Variants in CSNK1G1 observed in about 807,000 individuals in gnomAD.
CSNK1G1 encodes casein kinase 1 gamma 1, also known as casein kinase I isoform gamma-1.
CSNK1G1 carries 22 observed loss-of-function variants against 59.6 expected under a neutral mutation model. That is an observed-to-expected ratio of 0.37 (90% CI 0.26 to 0.53). The LOEUF is 0.53. Among genes scored for constraint, CSNK1G1 ranks in the 20% least tolerant of loss-of-function variants. The pLI, the probability that CSNK1G1 is intolerant of heterozygous loss-of-function variation, is 0.89. For missense variants in CSNK1G1, 384 were observed against 519.5 expected (o/e 0.74, Z 2.54); for synonymous variants, 179 against 177.1 (o/e 1.01, Z -0.08).
chr15:64,233,732 G>A (rs1313752815), intron 4 of CSNK1G1, among the ~76,000 whole-genome samples: 1 of 152,106 alleles, frequency 6.6e-6, no homozygotes, highest in Non-Finnish European at 1.5e-5. Context: ...ATAGCTAAAG[G>A]CTGAGGTCCT....
chr15:64,204,366 G>T, intron 9 of CSNK1G1, 75 bp downstream of exon 9: 1 of 1,206,662 alleles, frequency 8.3e-7, no homozygotes, highest in Non-Finnish European at 1.1e-6. Context: ...AGACTGGCAA[G>T]TAAAGGCATG....
chr15:64,349,777 A>T (rs1467177513), intron 1 of CSNK1G1, among the ~76,000 whole-genome samples: 3 of 152,130 alleles, frequency 2.0e-5, no homozygotes, highest in Non-Finnish European at 4.4e-5. Context: ...GTCAGAATTT[A>T]TTAAGATCCA....
At chr15:64,344,986 C>A (rs147174998) in intron 1 of CSNK1G1, among the ~76,000 whole-genome samples, 1 of 152,182 alleles carries the variant, frequency 6.6e-6, no homozygotes, top group African/African-American at 2.4e-5. Context: ...TGCTTTCACA[C>A]AGACAGTTCC....
chr15:64,289,461 A>G (rs1894615854), intron 2 of CSNK1G1, among the ~76,000 whole-genome samples: 1 of 152,238 alleles, frequency 6.6e-6, no homozygotes, highest in African/African-American at 2.4e-5. Context: ...TGCTTAAGTT[A>G]AACTAGGGTG....
rs560271346 is a variant in CSNK1G1, at chr15:64,237,932, A to G, written c.292+13580T>C. On this transcript the variant is annotated intron_variant, in intron 4 of 11. Transcript: ENST00000303052. ...ACACCACAAAGGTTTCAGTGGGTGA[A>G]ACAGTTTGAATACAGGAGCACTAAG... Among the ~76,000 whole-genome samples, 8 of 152,314 alleles carry G rather than the reference A, an allele frequency of 5.3e-5. No homozygotes were observed. In the South Asian group the frequency reaches 8.3e-4, roughly 16 times the overall value.
At chr15:64,187,305 C>T (rs1185894159) in intron 10 of CSNK1G1, among the ~76,000 whole-genome samples, 2 of 152,070 alleles carry the variant, frequency 1.3e-5, no homozygotes. Context: ...AATCCTCCCA[C>T]CTCAGCCTCC....
In CSNK1G1 at chr15:64,278,662, C is replaced by T. The variant is rs139386553; in HGVS notation, c.182-19421G>A. Among the ~76,000 whole-genome samples the T allele has an allele frequency of 3.0e-3, 460 of 151,888 alleles. 1 individual carries two copies. Among genetic ancestry groups the T allele is most frequent in the African/African-American group, 0.011 (443 of 41,442 alleles). On this transcript the variant is annotated intron_variant, in intron 2 of 11. Transcript: ENST00000303052. ...CAAGCTGGTGTCGAACTCCTGACCT[C>T]GTGATCTGCCCGCCTTGGCCTCCCA...
intron 4 of CSNK1G1, among the ~76,000 whole-genome samples, chr15:64,234,192 A>G (rs1236005240): frequency 6.6e-6 from 1 of 152,168 alleles, no homozygotes; most frequent in Non-Finnish European, 1.5e-5. Flanking sequence ...TGCTGCTCAG[A>G]TATTTTCAAA....
chr15:64,176,212 A>T lies in CSNK1G1; in HGVS notation c.1214+4136T>A, dbSNP rs558238729. On this transcript the variant is annotated intron_variant, in intron 11 of 11. Coordinates refer to ENST00000303052, the MANE Select transcript of CSNK1G1 (RefSeq NM_022048.5). This position sits in a 1 kb window ranked among gnomAD's most constrained non-coding sequence, Gnocchi z 5.2. ...CATTTTGTTTGGCTTTGCCAGTCCC[A>T]GCCTAGTCTGGTCCACTCCCCTTGC... 2.5e-6 allele frequency: 1 copy of T among 398,826 alleles called. No individual in the cohort carries two copies. Among genetic ancestry groups the T allele is most frequent in the African/African-American group, 2.1e-5 (1 of 48,748 alleles). 24.7% of individuals were successfully genotyped at this position (398,826 alleles called of 1,614,324 possible).
chr15:64,222,207 A>G (rs913150628), intron 4 of CSNK1G1, among the ~76,000 whole-genome samples: 2 of 148,430 alleles, frequency 1.3e-5, no homozygotes, highest in Non-Finnish European at 3.0e-5. Flanking sequence ...GTTCTCACTC[A>G]TAAGTGGGAG....
intron 1 of CSNK1G1, among the ~76,000 whole-genome samples, chr15:64,349,118 C>T (rs1459862876): frequency 1.4e-5 from 2 of 139,958 alleles, no homozygotes; most frequent in Non-Finnish European, 3.0e-5. Context: ...GCCTGGGCAA[C>T]GAGAGCGAAA....
intron 2 of CSNK1G1, among the ~76,000 whole-genome samples, chr15:64,266,121 G>C (rs900245940): frequency 1.3e-5 from 2 of 151,860 alleles, no homozygotes; most frequent in African/African-American, 4.8e-5. Flanking sequence ...GCAGTGCAGC[G>C]ACACGATCTC....
chr15:64,277,936 A>G, intron 2 of CSNK1G1, among the ~76,000 whole-genome samples: 1 of 144,610 alleles, frequency 6.9e-6, no homozygotes, highest in Non-Finnish European at 1.5e-5. Flanking sequence ...TATATTTAAT[A>G]ATATATTAAT....
At position 64,166,319 on chromosome 15, in the gene CSNK1G1, T is replaced by TG. The variant is rs751453829; in HGVS notation, c.*5611dup. 13 of 289,976 alleles carry TG rather than the reference T, an allele frequency of 4.5e-5. No homozygotes were observed. The South Asian group carries it at 7.6e-4, about 17-fold the overall frequency. 18.0% of individuals were successfully genotyped at this position (289,976 alleles called of 1,614,324 possible). A position where few individuals can be genotyped will look rare whatever the true frequency, so the allele number is the denominator to read the frequency against. ...TTGCTGAATCAACATTATTTTCCAT[T>TG]GGGGGGTATATATTTTTGGTTTATC... On this transcript the variant is annotated 3_prime_UTR_variant, in exon 12 of 12. Coordinates refer to ENST00000303052, the MANE Select transcript of CSNK1G1 (RefSeq NM_022048.5). This position sits in a 1 kb window ranked among gnomAD's most constrained non-coding sequence, Gnocchi z 4.5.
At chr15:64,291,829 C>G (rs1047932847) in intron 2 of CSNK1G1, among the ~76,000 whole-genome samples, 1 of 152,080 alleles carries the variant, frequency 6.6e-6, no homozygotes, top group Non-Finnish European at 1.5e-5. Context: ...AAATGAACTG[C>G]TTTAGATAGT....
intron 1 of CSNK1G1, among the ~76,000 whole-genome samples, chr15:64,351,747 C>T (rs891369309): frequency 6.6e-6 from 1 of 152,054 alleles, no homozygotes; most frequent in Non-Finnish European, 1.5e-5. Flanking sequence ...GGTATGCTGG[C>T]GCACACCTGT....
intron 2 of CSNK1G1, among the ~76,000 whole-genome samples, chr15:64,282,020 C>T (rs1348067288): frequency 6.6e-6 from 1 of 151,582 alleles, no homozygotes; most frequent in Non-Finnish European, 1.5e-5. Context: ...CTCCTGAGCT[C>T]AAGCAATCCT....
chr15:64,230,334 T>C (rs950372845), intron 4 of CSNK1G1, among the ~76,000 whole-genome samples: 5 of 151,884 alleles, frequency 3.3e-5, no homozygotes, highest in Non-Finnish European at 5.9e-5. Flanking sequence ...TCTCACTCTA[T>C]CACCCAGGCT....
At chr15:64,350,806 C>T (rs1381175542) in intron 1 of CSNK1G1, among the ~76,000 whole-genome samples, 1 of 152,102 alleles carries the variant, frequency 6.6e-6, no homozygotes, top group Non-Finnish European at 1.5e-5. Context: ...TTTCCTGAGT[C>T]CATCTTGAAC....
Sources: allele counts gnomAD v4.1 joint callset (sites outside exome capture counted in the v4.1 genomes callset), GRCh38; gene constraint gnomAD v4.1.1; non-coding constraint Gnocchi (gnomAD v3.1); transcripts MANE v1.5; gene names NCBI Gene and HGNC (gene_info 2026-07-23, HGNC 2026-07-21).